CCDC144A: variants seen among roughly 807,000 people sequenced by gnomAD.
The protein encoded by CCDC144A is coiled-coil domain-containing protein 144A.
In CCDC144A, 41 loss-of-function variants were observed where a neutral mutation model predicts 143.8. That is an observed-to-expected ratio of 0.29 (90% CI 0.22 to 0.37). The LOEUF (loss-of-function observed/expected upper bound fraction) is 0.37, where lower values mean the gene tolerates loss of function less well. CCDC144A is among the 10% of genes least tolerant of loss of function. CCDC144A has a pLI of 1.00. For synonymous variants in CCDC144A, 242 were observed against 517.9 expected, an observed-to-expected ratio of 0.47 and a Z score of 7.23; for missense variants, 637 against 1,488.8, an observed-to-expected ratio of 0.43 and a Z score of 9.41.
chr17:16,705,413 A>G lies in CCDC144A; in HGVS notation c.664+14A>G. ...AGAGCAAAGAAGGTAACAAAGAAGCATAGAGAATTCAGTCCTAGAGTGCCT... is the reference window on the plus strand; with the variant it reads ...AGAGCAAAGAAGGTAACAAAGAAGCGTAGAGAATTCAGTCCTAGAGTGCCT... On this transcript the variant is annotated intron_variant, in intron 3 of 16. Transcript: ENST00000399273. 1.6e-6 allele frequency: 1 copy of G among 635,004 alleles called. No individual in the cohort carries two copies. The highest frequency in any genetic ancestry group is 2.8e-6 in the Non-Finnish European group (1 of 357,270). 39.3% of individuals were successfully genotyped at this position (635,004 alleles called of 1,614,324 possible). A position where few individuals can be genotyped will look rare whatever the true frequency, so the allele number is the denominator to read the frequency against.
chr17:16,669,247 A>G, the CCDC144A span, among the ~76,000 whole-genome samples: 61 of 152,348 alleles, frequency 4.0e-4, no homozygotes, highest in African/African-American at 1.4e-3. Flanking sequence ...AAACATGTTT[A>G]ATAAGTAGGT....
intron 5 of CCDC144A, chr17:16,710,352 C>A (rs1912331725): frequency 6.7e-6 from 1 of 149,150 alleles, no homozygotes; most frequent in African/African-American, 2.5e-5. Context: ...CGTAGTGAGA[C>A]CTCATCTCTT....
chr17:16,760,337 T>A (rs1335455580), intron 12 of CCDC144A, among the ~76,000 whole-genome samples: 1 of 148,730 alleles, frequency 6.7e-6, no homozygotes. Flanking sequence ...TCATAATTAT[T>A]TCCTCTAAAG....
In CCDC144A at chr17:16,724,787, A is replaced by ATTTTTTTTTTTTTT. The variant is rs760344292; in HGVS notation, c.1892-2717_1892-2704dup. Among the ~76,000 whole-genome samples, 4 of 35,068 alleles carry ATTTTTTTTTTTTTT rather than the reference A, an allele frequency of 1.1e-4. 1 individual carries two copies. Among genetic ancestry groups the ATTTTTTTTTTTTTT allele is most frequent in the Non-Finnish European group, 2.1e-4 (4 of 19,348 alleles). 23.0% of individuals were successfully genotyped at this position (35,068 alleles called of 152,430 possible). On this transcript the variant is annotated intron_variant, in intron 8 of 16. Transcript: ENST00000399273. ...AGATTACACGTTCTTGATTAACTGA[A>ATTTTTTTTTTTTTT]TTTTTTTTTTTTTTTTTTTTTTTTT...
chr17:16,702,818 A>C (rs925909547), intron 2 of CCDC144A, among the ~76,000 whole-genome samples: 12 of 152,090 alleles, frequency 7.9e-5, no homozygotes, highest in African/African-American at 2.4e-4. Flanking sequence ...CTTCAAAAGA[A>C]GAGTGGGGTA....
chr17:16,667,370 G>A, the CCDC144A span, among the ~76,000 whole-genome samples: 11 of 149,504 alleles, frequency 7.4e-5, no homozygotes, highest in Non-Finnish European at 1.3e-4. Flanking sequence ...AGGCGGCTGA[G>A]GGGCTGAGGC....
chr17:16,741,206 T>C (rs1914240322), intron 12 of CCDC144A, among the ~76,000 whole-genome samples: 1 of 152,378 alleles, frequency 6.6e-6, no homozygotes, highest in South Asian at 2.1e-4. Flanking sequence ...AAGAACAACA[T>C]TCGTTAAGTT....
chr17:16,769,417 C>T (rs1255483352), intron 15 of CCDC144A, among the ~76,000 whole-genome samples: 1 of 152,214 alleles, frequency 6.6e-6, no homozygotes, highest in African/African-American at 2.4e-5. Context: ...TTTGTATGTA[C>T]AAATTAATGA....
intron 9 of CCDC144A, among the ~76,000 whole-genome samples, chr17:16,728,551 C>A (rs1357410241): frequency 6.6e-6 from 1 of 152,128 alleles, no homozygotes; most frequent in Non-Finnish European, 1.5e-5. Context: ...AAGTAATTTT[C>A]AAAAAATTTA....
At chr17:16,729,991 T>TATATATATATATACACAC (rs1491438660) in intron 9 of CCDC144A, among the ~76,000 whole-genome samples, 4 of 114,890 alleles carry the variant, frequency 3.5e-5, no homozygotes, top group African/African-American at 1.3e-4. Flanking sequence ...TATATATATA[T>TATATATATATATACACAC]ACACACATAC....
chr17:16,721,239 T>C (rs940753293), intron 8 of CCDC144A, among the ~76,000 whole-genome samples: 4 of 152,090 alleles, frequency 2.6e-5, no homozygotes, highest in Non-Finnish European at 5.9e-5. Context: ...ATATAAAATA[T>C]ACAATCGTGT....
At chr17:16,727,790 A>G in intron 9 of CCDC144A, 50 bp downstream of exon 9, 1 of 1,579,914 alleles carries the variant, frequency 6.3e-7, no homozygotes, top group Non-Finnish European at 8.6e-7. Context: ...ACAATATATC[A>G]GAATTTTTGT....
intron 3 of CCDC144A, chr17:16,706,084 A>G (rs1597540600): frequency 1.3e-5 from 2 of 151,890 alleles, no homozygotes; most frequent in East Asian, 3.9e-4. Context: ...CTCCGGTCTC[A>G]AAAAACAAAA....
At chr17:16,739,618 G>T (rs1914170164) in intron 12 of CCDC144A, among the ~76,000 whole-genome samples, 1 of 147,698 alleles carries the variant, frequency 6.8e-6, no homozygotes, top group Admixed American at 6.8e-5. Flanking sequence ...TTATTCTTTT[G>T]CATGTGGATA....
chr17:16,740,653 C>T (rs917950511), intron 12 of CCDC144A, among the ~76,000 whole-genome samples: 7 of 152,198 alleles, frequency 4.6e-5, no homozygotes, highest in South Asian at 2.1e-4. Context: ...AAGGACACTA[C>T]ATTTTTACTT....
chr17:16,701,780 C>T (rs937450174), intron 2 of CCDC144A, among the ~76,000 whole-genome samples: 9 of 151,270 alleles, frequency 5.9e-5, no homozygotes, highest in South Asian at 4.2e-4. Flanking sequence ...ACGTTTGCCA[C>T]GTAACGGGGA....
At chr17:16,753,989 A>G (rs1413566615) in intron 12 of CCDC144A, among the ~76,000 whole-genome samples, 1 of 152,218 alleles carries the variant, frequency 6.6e-6, no homozygotes, top group African/African-American at 2.4e-5. Flanking sequence ...GGTAAACTTT[A>G]TTACTGATTC....
At chr17:16,761,190 T>A (rs1035413883) in intron 12 of CCDC144A, among the ~76,000 whole-genome samples, 4 of 152,116 alleles carry the variant, frequency 2.6e-5, no homozygotes, top group Non-Finnish European at 5.9e-5. Context: ...AAAAAAAATT[T>A]AGCCAGGGGT....
At chr17:16,737,544 A>T in intron 12 of CCDC144A, 1 of 1,287,826 alleles carries the variant, frequency 7.8e-7, no homozygotes, top group Non-Finnish European at 1.0e-6. Context: ...ACAGGTAGTT[A>T]TGAGAGAATT....
Sources: allele counts gnomAD v4.1 joint callset (sites outside exome capture counted in the v4.1 genomes callset), GRCh38; gene constraint gnomAD v4.1.1; transcripts MANE v1.5; gene names NCBI Gene and HGNC (gene_info 2026-07-23, HGNC 2026-07-21).